The following ESF1 variants were observed in gnomAD, a reference collection of about 807,000 sequenced individuals.
ESF1 encodes the protein ESF1 homolog.
A neutral mutation model predicts 92.0 loss-of-function variants in ESF1; 58 were observed. The ratio of observed to expected loss-of-function variants is 0.63; its 90% CI spans 0.51 to 0.78. The LOEUF is 0.78. ESF1 is among the 30% of genes least tolerant of loss of function. The pLI, the probability that ESF1 is intolerant of heterozygous loss-of-function variation, is 0.00. For missense variants in ESF1, 922 were observed against 989.1 expected (o/e 0.93, Z 0.91); for synonymous variants, 321 against 313.7 (o/e 1.02, Z -0.24).
intron 8 of ESF1, chr20:13,762,736 T>G (rs1192826959): frequency 1.8e-5 from 6 of 338,578 alleles, no homozygotes; most frequent in Non-Finnish European, 2.8e-5. Context: ...TGCTGATGTA[T>G]CTATGAGAGG....
intron 9 of ESF1, among the ~76,000 whole-genome samples, chr20:13,751,203 C>T (rs138325681): frequency 1.1e-4 from 17 of 152,170 alleles, no homozygotes; most frequent in African/African-American, 3.1e-4. Flanking sequence ...ACATGTGCAA[C>T]GAAAAGTGAC....
chr20:13,762,943 C>T, intron 8 of ESF1: 1 of 260,300 alleles, frequency 3.8e-6, no homozygotes, highest in South Asian at 3.4e-5. Context: ...TCACTGCAAG[C>T]TCTGCCTCCC....
In ESF1 at chr20:13,715,137, T is replaced by C. The variant is rs147904104; in HGVS notation, c.2293A>G (p.Met765Val). 252 of 1,606,636 alleles carry C rather than the reference T, an allele frequency of 1.6e-4. No individual in the cohort carries two copies. Among genetic ancestry groups the C allele is most frequent in the Non-Finnish European group, 3.6e-5 (42 of 1,176,106 alleles). The change falls in exon 14 of 14, where the codon ATG (methionine) becomes GTG (valine). Residue 765 changes from methionine (M) to valine (V), a missense_variant. Transcript: ENST00000617257. ...VNVNDARFQAMYTSHLFNLDP... is the reference protein window; with the variant it reads ...VNVNDARFQAVYTSHLFNLDP... ...AAATTGAACAAGTGGGAAGTGTACA[T>C]TGCCTGAAACCGTGCATCGTTAACA...
chr20:13,725,185 A>C (rs2049893340), intron 11 of ESF1, among the ~76,000 whole-genome samples: 1 of 152,238 alleles, frequency 6.6e-6, no homozygotes, highest in Non-Finnish European at 1.5e-5. Context: ...GTGCTTCTGC[A>C]AGTGAATGAA....
chr20:13,779,842 G>T (rs555861996), intron 2 of ESF1, among the ~76,000 whole-genome samples: 1 of 152,048 alleles, frequency 6.6e-6, no homozygotes, highest in East Asian at 1.9e-4. Context: ...GCCAGTTACC[G>T]TTTTATTTTA....
chr20:13,741,241 T>C (rs1334650971), intron 9 of ESF1, among the ~76,000 whole-genome samples: 1 of 152,202 alleles, frequency 6.6e-6, no homozygotes, highest in Non-Finnish European at 1.5e-5. Context: ...ATTATATCTC[T>C]GAGCATTTTC....
At chr20:13,774,690 T>C (rs1979844512) in intron 4 of ESF1, among the ~76,000 whole-genome samples, 1 of 152,228 alleles carries the variant, frequency 6.6e-6, no homozygotes, top group Non-Finnish European at 1.5e-5. Flanking sequence ...TTCTTAATTA[T>C]TAGGTTGGCT....
At chr20:13,720,099 T>TA (rs1218913108) in intron 11 of ESF1, among the ~76,000 whole-genome samples, 1 of 152,168 alleles carries the variant, frequency 6.6e-6, no homozygotes, top group Non-Finnish European at 1.5e-5. Context: ...TAGGTGCTGT[T>TA]AAAAAGCTCT....
intron 9 of ESF1, among the ~76,000 whole-genome samples, chr20:13,736,233 C>G (rs911188020): frequency 2.0e-5 from 3 of 152,136 alleles, no homozygotes; most frequent in African/African-American, 7.2e-5. Context: ...TCAGCAATAT[C>G]TCTGGTTATC....
At chr20:13,738,837 G>A (rs1329587174) in intron 9 of ESF1, among the ~76,000 whole-genome samples, 1 of 152,122 alleles carries the variant, frequency 6.6e-6, no homozygotes, top group Non-Finnish European at 1.5e-5. Context: ...ATAAATGTCT[G>A]CTGAATAAAG....
At chr20:13,749,763 C>T (rs1003024608) in intron 9 of ESF1, among the ~76,000 whole-genome samples, 1 of 151,826 alleles carries the variant, frequency 6.6e-6, no homozygotes, top group Non-Finnish European at 1.5e-5. Flanking sequence ...GACGGGGTTT[C>T]ACCATGTTGG....
chr20:13,782,191 T>C (rs940451248), intron 2 of ESF1, among the ~76,000 whole-genome samples: 1 of 152,198 alleles, frequency 6.6e-6, no homozygotes, highest in African/African-American at 2.4e-5. Flanking sequence ...TTACCCTCTT[T>C]AGACACATCT....
intron 9 of ESF1, among the ~76,000 whole-genome samples, chr20:13,754,255 A>C (rs183956104): frequency 3.4e-4 from 51 of 152,236 alleles, no homozygotes; most frequent in African/African-American, 1.1e-3. Flanking sequence ...ATTCTCACTG[A>C]AATGCCTTCT....
intron 9 of ESF1, among the ~76,000 whole-genome samples, chr20:13,735,937 G>T (rs1290592041): frequency 6.6e-6 from 1 of 151,972 alleles, no homozygotes; most frequent in Non-Finnish European, 1.5e-5. Context: ...TAAAAGTTAT[G>T]GACTCTAACA....
chr20:13,772,658 T>A (rs749987623), intron 4 of ESF1, 43 bp from the exon 5 acceptor site: 1 of 1,370,990 alleles, frequency 7.3e-7, no homozygotes, highest in Non-Finnish European at 1.0e-6. Flanking sequence ...GTACATTCCT[T>A]TACACAAATA....
intron 11 of ESF1, among the ~76,000 whole-genome samples, chr20:13,726,442 A>G (rs1244686303): frequency 6.6e-6 from 1 of 151,924 alleles, no homozygotes; most frequent in Non-Finnish European, 1.5e-5. Context: ...CTCATTTGCA[A>G]TGCTCTTCCC....
chr20:13,757,264 G>A (rs1423986085), intron 9 of ESF1, among the ~76,000 whole-genome samples: 1 of 152,052 alleles, frequency 6.6e-6, no homozygotes, highest in African/African-American at 2.4e-5. Context: ...ATTAAGCTGG[G>A]AATATATAAA....
At chr20:13,739,721 C>CAAA (rs112560154) in intron 9 of ESF1, among the ~76,000 whole-genome samples, 8 of 77,938 alleles carry the variant, frequency 1.0e-4, no homozygotes, top group Non-Finnish European at 1.4e-4. Context: ...TAAGAAAGTT[C>CAAA]AAAAAAAAAA....
At chr20:13,732,139 G>C (rs2147731917) in intron 10 of ESF1, among the ~76,000 whole-genome samples, 1 of 152,208 alleles carries the variant, frequency 6.6e-6, no homozygotes, top group East Asian at 1.9e-4. Flanking sequence ...CTTCAGACTG[G>C]TGTCTGAAAG....
Sources: gnomAD v4.1 joint callset for allele counts (sites outside exome capture counted in the v4.1 genomes callset) on GRCh38, gnomAD v4.1.1 for gene constraint, MANE v1.5 for transcripts, NCBI Gene and HGNC (gene_info 2026-07-23, HGNC 2026-07-21) for gene names.